Variants in KCNQ2 observed in about 807,000 individuals in gnomAD.
KCNQ2 encodes potassium voltage-gated channel subfamily KQT member 2.
In KCNQ2, 14 loss-of-function variants were observed where a neutral mutation model predicts 84.8. The observed-to-expected ratio is 0.17, with a 90% CI of 0.11 to 0.26. The LOEUF is 0.26. Ranked by LOEUF, KCNQ2 falls within the 10% of genes least tolerant of loss-of-function variation. The pLI is 1.00. For missense variants in KCNQ2, 788 were observed against 1,254.0 expected (o/e 0.63, Z 5.61); for synonymous variants, 599 against 554.1 (o/e 1.08, Z -1.14).
chr20:63,443,013 T>TCACCACCAC (rs1389897725), intron 4 of KCNQ2, among the ~76,000 whole-genome samples: 1 of 27,940 alleles, frequency 3.6e-5, no homozygotes, highest in African/African-American at 1.4e-4. Context: ...ACCATCACCA[T>TCACCACCAC]CACCACCACC....
chr20:63,423,794 C>T (rs1037914346), intron 11 of KCNQ2: 23 of 278,516 alleles, frequency 8.3e-5, no homozygotes, highest in Non-Finnish European at 1.4e-4. Context: ...CCCCAGCCGG[C>T]GTCGACTCAG....
intron 1 of KCNQ2, among the ~76,000 whole-genome samples, chr20:63,470,179 G>A (rs1051955010): frequency 3.3e-5 from 5 of 151,762 alleles, no homozygotes. Context: ...CAAAGGGGCC[G>A]CCTCCCTGAG....
chr20:63,467,056 C>T (rs571854903), intron 1 of KCNQ2, among the ~76,000 whole-genome samples: 1 of 152,364 alleles, frequency 6.6e-6, no homozygotes, highest in South Asian at 2.1e-4. Context: ...ATCCTTGCCC[C>T]CCATCCTCCC....
At position 63,407,471 on chromosome 20, in the gene KCNQ2, TCCAGGAAACAGGAGAGACCCAGGCTAGTC is replaced by T. The variant is rs2079984847; in HGVS notation, c.1888-125_1888-97del. On this transcript the variant is annotated intron_variant, in intron 16 of 16. Coordinates refer to ENST00000359125, the MANE Select transcript of KCNQ2 (RefSeq NM_172107.4). The surrounding 1 kb of genome is among the most constrained non-coding windows in gnomAD (Gnocchi z 7.2). ...AGGAAATGGGGGGGCCCAGGCTGGTTCCAGGAAACAGGAGAGACCCAGGCTAGTCCCAGGAAACGGGGGACCCAGGCTAG... is the reference window on the plus strand; with the variant it reads ...AGGAAATGGGGGGGCCCAGGCTGGTTCCAGGAAACGGGGGACCCAGGCTAG... 3 of 1,368,742 alleles carry T rather than the reference TCCAGGAAACAGGAGAGACCCAGGCTAGTC, an allele frequency of 2.2e-6. No individual in the cohort carries two copies. Among genetic ancestry groups the T allele is most frequent in the East Asian group, 2.4e-5 (1 of 41,806 alleles). The allele number at this position is 1,368,742 out of a possible 1,614,324, so 84.8% of individuals were successfully genotyped here.
At chr20:63,415,212 C>T (rs1487084243) in intron 12 of KCNQ2, 86 bp from the exon 13 acceptor site, 23 of 1,250,302 alleles carry the variant, frequency 1.8e-5, no homozygotes, top group Admixed American at 5.8e-5. Context: ...TGCTCATGGC[C>T]GACGCCGCCC....
In KCNQ2 at chr20:63,444,574, A is replaced by C. The variant is rs374252672; in HGVS notation, c.690+85T>G. On this transcript the variant is annotated intron_variant, in intron 4 of 16. Transcript: ENST00000359125. ...CCTCCACCCAGGGCTCTTGAAGCAA[A>C]CCCCAGGCAGGGGTGGGGCCCGGTC... 8,517 of 1,229,218 alleles carry C rather than the reference A, an allele frequency of 6.9e-3. 693 individuals are homozygous for C. The South Asian group carries it at 0.15, about 21-fold the overall frequency. The allele number at this position is 1,229,218 out of a possible 1,614,324, so 76.1% of individuals were successfully genotyped here.
intron 1 of KCNQ2, among the ~76,000 whole-genome samples, chr20:63,450,704 G>A (rs902216774): frequency 3.3e-5 from 5 of 151,606 alleles, no homozygotes; most frequent in South Asian, 2.1e-4. Context: ...CCGAGGCTGC[G>A]GGGGCTTGGA....
chr20:63,411,227 C>T (rs1396910326), intron 15 of KCNQ2, among the ~76,000 whole-genome samples: 2 of 152,226 alleles, frequency 1.3e-5, no homozygotes, highest in African/African-American at 2.4e-5. Context: ...ATGCTGTGAC[C>T]GTCTGTATCT....
chr20:63,471,801 T>G (rs1600883582), intron 1 of KCNQ2: 1 of 179,766 alleles, frequency 5.6e-6, no homozygotes, highest in South Asian at 1.7e-4. Context: ...TCCCCGAGAG[T>G]CCCGGAGAGT....
At chr20:63,447,206 C>T (rs1299686838) in intron 1 of KCNQ2, among the ~76,000 whole-genome samples, 1 of 152,132 alleles carries the variant, frequency 6.6e-6, no homozygotes, top group South Asian at 2.1e-4. Context: ...AACAGCAAGG[C>T]CTGCCCATCA....
rs2079788944 is a variant in KCNQ2 at position 63,400,586 on chromosome 20, T to C, written c.*6058A>G. The stretch of plus-strand genomic sequence containing the variant: ...AAGTGTACGTCGGTACTGAAGGCAT[T>C]ATGAAATGTTCTTTGGAGCATGAAC... On this transcript the variant is annotated 3_prime_UTR_variant, in exon 17 of 17. Coordinates refer to ENST00000359125, the MANE Select transcript of KCNQ2 (RefSeq NM_172107.4). The surrounding 1 kb of genome is among the most constrained non-coding windows in gnomAD (Gnocchi z 8.7). The C allele has an allele frequency of 5.0e-6, 2 of 398,410 alleles. No homozygotes were observed. Among genetic ancestry groups the C allele is most frequent in the African/African-American group, 2.1e-5 (1 of 48,598 alleles). 24.7% of individuals were successfully genotyped at this position (398,410 alleles called of 1,614,324 possible).
intron 3 of KCNQ2, 21 bp from the exon 4 acceptor site, chr20:63,444,855 TG>T (rs1377123387): frequency 6.4e-7 from 1 of 1,572,132 alleles, no homozygotes; most frequent in East Asian, 2.3e-5. Flanking sequence ...GGCGTGGAGC[TG>T]GTGAGCTGCT....
chr20:63,422,966 G>T (rs139487837), intron 11 of KCNQ2, among the ~76,000 whole-genome samples: 3 of 152,260 alleles, frequency 2.0e-5, no homozygotes, highest in Non-Finnish European at 4.4e-5. Flanking sequence ...TGCCCATTGT[G>T]GGGGGCACAG....
At chr20:63,432,661 C>A (rs1353938331) in intron 8 of KCNQ2, among the ~76,000 whole-genome samples, 1 of 150,162 alleles carries the variant, frequency 6.7e-6, no homozygotes, top group Non-Finnish European at 1.5e-5. Flanking sequence ...GAAGGATCCA[C>A]CCACAGAGAA....
In KCNQ2 at chr20:63,446,184, G is replaced by A; in HGVS notation, c.387+563C>T. The A allele has an allele frequency of 3.8e-6, 1 of 265,760 alleles. No individual in the cohort carries two copies. The highest frequency in any genetic ancestry group is 7.3e-6 in the Non-Finnish European group (1 of 136,218). The allele number at this position is 265,760 out of a possible 1,614,324, so 16.5% of individuals were successfully genotyped here. A position where few individuals can be genotyped will look rare whatever the true frequency, so the allele number is the denominator to read the frequency against. ...GAAGGCCCCAGGTAACTGCAAAGGG[G>A]GCCACAGTCTCCACCCAGACCTTGG... On this transcript the variant is annotated intron_variant, in intron 2 of 16. Transcript: ENST00000359125. The surrounding 1 kb of genome is among the most constrained non-coding windows in gnomAD (Gnocchi z 5.5).
chr20:63,410,419 A>G (rs1370088305), intron 15 of KCNQ2, among the ~76,000 whole-genome samples: 2 of 152,118 alleles, frequency 1.3e-5, no homozygotes, highest in African/African-American at 4.8e-5. Context: ...AAGCGCTCCA[A>G]CTGTCTCCCT....
rs1568934006 is a variant in KCNQ2 at position 63,442,722 on chromosome 20, CCATCATCACCACCTCCACCAT to C, written c.691-212_691-192del. Reference sequence around the variant, plus strand: ...ACCATCACCATCACCACCACCACCACCATCATCACCACCTCCACCATCACCACCATCACCATCACCACCATC... The same window carrying C: ...ACCATCACCATCACCACCACCACCACCACCACCATCACCATCACCACCATC... On this transcript the variant is annotated intron_variant, in intron 4 of 16. Coordinates refer to ENST00000359125, the MANE Select transcript of KCNQ2 (RefSeq NM_172107.4). Among the ~76,000 whole-genome samples, 84 of 63,234 alleles carry C rather than the reference CCATCATCACCACCTCCACCAT, an allele frequency of 1.3e-3. 2 individuals carry two copies. Among genetic ancestry groups the C allele is most frequent in the South Asian group, 6.9e-3 (9 of 1,306 alleles). The allele number at this position is 63,234 out of a possible 152,430, so 41.5% of individuals were successfully genotyped here.
intron 7 of KCNQ2, among the ~76,000 whole-genome samples, chr20:63,435,511 G>A (rs1395830517): frequency 6.6e-6 from 1 of 152,186 alleles, no homozygotes; most frequent in Non-Finnish European, 1.5e-5. Context: ...AGCAAAGTAA[G>A]TGGTTTCTTG....
At position 63,438,103 on chromosome 20, in the gene KCNQ2, C is replaced by T. The variant is rs548904753; in HGVS notation, c.1023+522G>A. ...GATTGCAGGCGTGAGCCACTGTGCC[C>T]GGCCATTGTCTGTCCGTATTTTCAA... On this transcript the variant is annotated intron_variant, in intron 7 of 16. Transcript: ENST00000359125. The surrounding 1 kb of genome is among the most constrained non-coding windows in gnomAD (Gnocchi z 5.1). The T allele has an allele frequency of 4.0e-5, 7 of 174,626 alleles. No homozygotes were observed. The South Asian group carries it at 4.0e-4, about 10-fold the overall frequency. 10.8% of individuals were successfully genotyped at this position (174,626 alleles called of 1,614,324 possible).
Sources: allele counts gnomAD v4.1 joint callset (sites outside exome capture counted in the v4.1 genomes callset), GRCh38; gene constraint gnomAD v4.1.1; non-coding constraint Gnocchi (gnomAD v3.1); transcripts MANE v1.5; gene names NCBI Gene and HGNC (gene_info 2026-07-23, HGNC 2026-07-21).